The following TANK variants were observed in gnomAD, a reference collection of about 807,000 sequenced individuals.
TANK encodes the protein TRAF family member associated NFKB activator, also known as TRAF family member-associated NF-kappa-B activator.
Under a neutral mutation model 43.6 loss-of-function variants are expected in TANK, and 15 were observed. The observed-to-expected ratio is 0.34, with a 90% CI of 0.23 to 0.53. The LOEUF (loss-of-function observed/expected upper bound fraction) is 0.53. Among genes scored for constraint, TANK ranks in the 20% least tolerant of loss-of-function variants. The pLI, the probability that TANK is intolerant of heterozygous loss-of-function variation, is 0.94. For synonymous variants in TANK, 162 were observed against 178.2 expected, an observed-to-expected ratio of 0.91 and a Z score of 0.73; for missense variants, 417 against 498.6, an observed-to-expected ratio of 0.84 and a Z score of 1.56.
intron 2 of TANK, among the ~76,000 whole-genome samples, chr2:161,199,210 T>C (rs139559141): frequency 6.6e-6 from 1 of 152,258 alleles, no homozygotes; most frequent in East Asian, 1.9e-4. Flanking sequence ...TTTATTAACC[T>C]TGGAATAATT....
At chr2:161,225,323 A>T (rs1022367473) in intron 6 of TANK, among the ~76,000 whole-genome samples, 12 of 151,952 alleles carry the variant, frequency 7.9e-5, no homozygotes, top group Admixed American at 5.9e-4. Context: ...ACAGCCTTGA[A>T]CTCCTGGGCT....
At chr2:161,181,653 C>G (rs1480135134) in intron 2 of TANK, among the ~76,000 whole-genome samples, 3 of 152,060 alleles carry the variant, frequency 2.0e-5, no homozygotes, top group African/African-American at 7.2e-5. Flanking sequence ...AGCATCAAAT[C>G]TCATGAGAAC....
chr2:161,184,133 A>G (rs946932288), intron 2 of TANK, among the ~76,000 whole-genome samples: 1 of 152,178 alleles, frequency 6.6e-6, no homozygotes, highest in African/African-American at 2.4e-5. Flanking sequence ...AAGGAATCAT[A>G]TAGCTTCAAA....
chr2:161,162,673 A>G (rs1296121986), intron 1 of TANK: 2 of 152,124 alleles, frequency 1.3e-5, no homozygotes, highest in Admixed American at 1.3e-4. Context: ...AATTATATTT[A>G]TCAGGGAAGT....
chr2:161,144,920 G>A (rs575720620), intron 1 of TANK, among the ~76,000 whole-genome samples: 1 of 152,144 alleles, frequency 6.6e-6, no homozygotes, highest in African/African-American at 2.4e-5. Context: ...CACTATTATT[G>A]TGTGGGAGTC....
At chr2:161,139,755 A>C in intron 1 of TANK, 1 of 985,430 alleles carries the variant, frequency 1.0e-6, no homozygotes, top group Non-Finnish European at 1.2e-6. Flanking sequence ...AAAGAATGAA[A>C]ACAATGTGAC....
chr2:161,177,815 T>C (rs763718311), intron 1 of TANK, among the ~76,000 whole-genome samples: 2 of 152,074 alleles, frequency 1.3e-5, no homozygotes, highest in Non-Finnish European at 2.9e-5. Flanking sequence ...TAAAGAACTT[T>C]TAAAATTTAA....
chr2:161,224,358 A>G (rs1470770768), intron 5 of TANK, among the ~76,000 whole-genome samples: 1 of 152,104 alleles, frequency 6.6e-6, no homozygotes, highest in African/African-American at 2.4e-5. Flanking sequence ...ATGTGAGAAT[A>G]AGACAGCCAA....
chr2:161,155,776 G>A (rs1007263931), upstream of TANK, among the ~76,000 whole-genome samples: 6 of 152,118 alleles, frequency 3.9e-5, no homozygotes, highest in African/African-American at 1.4e-4. Flanking sequence ...TGTGTTTTCA[G>A]AGTACCATAT....
At chr2:161,212,008 C>A in intron 4 of TANK, 2 of 914,566 alleles carry the variant, frequency 2.2e-6, no homozygotes, top group Non-Finnish European at 2.6e-6. Flanking sequence ...TAACTATCTT[C>A]AACCAATTTA....
chr2:161,170,736 C>G lies in TANK; in HGVS notation c.-49-8878C>G, dbSNP rs1198823273. Among the ~76,000 whole-genome samples the G allele has an allele frequency of 2.6e-5, 4 of 152,158 alleles. No homozygotes were observed. In the East Asian group the frequency reaches 5.8e-4, roughly 22 times the overall value. On this transcript the variant is annotated intron_variant, in intron 1 of 7. Transcript: ENST00000392749. ...CGAACCAATGTCCTACAGCCTGACT[C>G]TACGCCAAGATTCTGAATTGGGAGA...
intron 2 of TANK, chr2:161,180,300 A>G (rs528861166): frequency 3.3e-5 from 7 of 214,856 alleles, no homozygotes; most frequent in African/African-American, 7.0e-5. Flanking sequence ...CCCTGTACAC[A>G]TAACATTTAT....
At chr2:161,168,294 T>C (rs770399393) in intron 1 of TANK, among the ~76,000 whole-genome samples, 1 of 152,082 alleles carries the variant, frequency 6.6e-6, no homozygotes, top group Non-Finnish European at 1.5e-5. Flanking sequence ...TAAGGAGAAT[T>C]GGAGAACCAG....
At chr2:161,160,544 A>G in intron 1 of TANK, 58 bp downstream of exon 1, 1 of 1,236,466 alleles carries the variant, frequency 8.1e-7, no homozygotes. Flanking sequence ...GACGTCGGAG[A>G]ATTTGTATGC....
chr2:161,214,710 G>A (rs1179677859), intron 4 of TANK, among the ~76,000 whole-genome samples: 1 of 152,028 alleles, frequency 6.6e-6, no homozygotes, highest in Non-Finnish European at 1.5e-5. Flanking sequence ...GTCAGGCTCT[G>A]GGATTTCATT....
chr2:161,235,294 A>G (rs1330019708), intron 7 of TANK, 48 bp from the exon 8 acceptor site: 1 of 1,507,512 alleles, frequency 6.6e-7, no homozygotes, highest in Non-Finnish European at 9.0e-7. Context: ...GTCCAGTGCT[A>G]TTTGAATTTA....
intron 1 of TANK, among the ~76,000 whole-genome samples, chr2:161,147,760 T>G (rs1683958121): frequency 6.6e-6 from 1 of 151,660 alleles, no homozygotes; most frequent in South Asian, 2.1e-4. Flanking sequence ...TCGGCCATCA[T>G]GTCCTCACCT....
chr2:161,155,201 C>G (rs1300949556), intron 1 of TANK, among the ~76,000 whole-genome samples: 1 of 152,088 alleles, frequency 6.6e-6, no homozygotes, highest in Non-Finnish European at 1.5e-5. Context: ...AACACATTTA[C>G]TTCCTGCCAC....
chr2:161,142,378 C>T (rs746760221), intron 1 of TANK, among the ~76,000 whole-genome samples: 2 of 152,032 alleles, frequency 1.3e-5, no homozygotes, highest in Non-Finnish European at 2.9e-5. Context: ...TTGGCATTTT[C>T]GTCATGAAAT....
Sources: allele counts gnomAD v4.1 joint callset (sites outside exome capture counted in the v4.1 genomes callset), GRCh38; gene constraint gnomAD v4.1.1; transcripts MANE v1.5; gene names NCBI Gene and HGNC (gene_info 2026-07-23, HGNC 2026-07-21).